CDH12: variants seen among roughly 807,000 people sequenced by gnomAD.
CDH12 encodes the protein cadherin-12.
A neutral mutation model predicts 74.1 loss-of-function variants in CDH12; 41 were observed. The observed-to-expected ratio is 0.55, with a 90% CI of 0.43 to 0.72. The LOEUF (loss-of-function observed/expected upper bound fraction) is 0.72, where lower values mean the gene tolerates loss of function less well. Among genes scored for constraint, CDH12 ranks in the 30% least tolerant of loss-of-function variants. The pLI, the probability that CDH12 is intolerant of heterozygous loss-of-function variation, is 0.00. For synonymous variants in CDH12, 399 were observed against 355.0 expected (o/e 1.12, Z -1.39); for missense variants, 945 against 977.2 (o/e 0.97, Z 0.44).
At chr5:22,212,994 T>A (rs575929472) in intron 3 of CDH12, among the ~76,000 whole-genome samples, 1 of 152,314 alleles carries the variant, frequency 6.6e-6, no homozygotes, top group Non-Finnish European at 1.5e-5. Flanking sequence ...CTTAAACAAA[T>A]GTGCTTTCTC....
intron 1 of CDH12, among the ~76,000 whole-genome samples, chr5:22,716,545 T>C (rs1334195098): frequency 2.6e-5 from 4 of 151,982 alleles, no homozygotes; most frequent in Non-Finnish European, 4.4e-5. Flanking sequence ...TTTGTATTTA[T>C]TATACTTATC....
At chr5:22,337,908 G>A (rs1247081566) in intron 3 of CDH12, among the ~76,000 whole-genome samples, 1 of 152,162 alleles carries the variant, frequency 6.6e-6, no homozygotes, top group Non-Finnish European at 1.5e-5. Flanking sequence ...TTATCCAGAA[G>A]TCAGGCAATA....
chr5:22,735,147 G>A (rs940011800), intron 1 of CDH12, among the ~76,000 whole-genome samples: 2 of 151,808 alleles, frequency 1.3e-5, no homozygotes, highest in African/African-American at 4.8e-5. Flanking sequence ...ATTTATCAAA[G>A]ATGTTACTGC....
intron 1 of CDH12, among the ~76,000 whole-genome samples, chr5:22,831,434 G>A (rs554429401): frequency 6.6e-6 from 1 of 151,040 alleles, no homozygotes; most frequent in Non-Finnish European, 1.5e-5. Context: ...GACAGAGCAT[G>A]GTGAGTGTTA....
intron 11 of CDH12, 139 bp downstream of exon 11, chr5:21,783,219 G>T (rs781083914): frequency 6.0e-6 from 4 of 671,020 alleles, no homozygotes; most frequent in Non-Finnish European, 1.0e-5. Flanking sequence ...CTGAGGAAAA[G>T]GAATAGGTTT....
chr5:22,221,063 C>T (rs1217304311), intron 3 of CDH12, among the ~76,000 whole-genome samples: 1 of 151,468 alleles, frequency 6.6e-6, no homozygotes, highest in Non-Finnish European at 1.5e-5. Context: ...AAAGTGCCTC[C>T]CATGCTTTTG....
intron 2 of CDH12, among the ~76,000 whole-genome samples, chr5:22,497,490 T>G (rs1005509431): frequency 1.3e-5 from 2 of 152,070 alleles, no homozygotes; most frequent in Non-Finnish European, 2.9e-5. Context: ...CTCACCAGGT[T>G]GTTGTACTTG....
chr5:22,464,519 G>A (rs939172179), intron 2 of CDH12, among the ~76,000 whole-genome samples: 3 of 151,962 alleles, frequency 2.0e-5, no homozygotes, highest in Non-Finnish European at 4.4e-5. Flanking sequence ...TCCTTTAACG[G>A]GATCTGATTC....
chr5:21,768,388 T>C (rs1745141602), intron 11 of CDH12, among the ~76,000 whole-genome samples: 1 of 151,826 alleles, frequency 6.6e-6, no homozygotes, highest in Non-Finnish European at 1.5e-5. Flanking sequence ...ATTTAGAACC[T>C]ATTTCATTAA....
intron 4 of CDH12, among the ~76,000 whole-genome samples, chr5:22,144,876 A>G (rs1416469438): frequency 4.6e-5 from 7 of 152,170 alleles, no homozygotes; most frequent in Admixed American, 4.6e-4. Flanking sequence ...GTAAAATTTT[A>G]AATTACTATC....
intron 5 of CDH12, among the ~76,000 whole-genome samples, chr5:22,042,810 A>G (rs1009304061): frequency 2.0e-5 from 3 of 150,678 alleles, no homozygotes; most frequent in Non-Finnish European, 4.4e-5. Flanking sequence ...GGACTGATTC[A>G]GCCTGGGAAG....
intron 4 of CDH12, among the ~76,000 whole-genome samples, chr5:22,196,480 G>A (rs1750627874): frequency 6.6e-6 from 1 of 151,988 alleles, no homozygotes; most frequent in African/African-American, 2.4e-5. Flanking sequence ...GAGATCATTA[G>A]AATTTTCTCT....
chr5:22,376,298 G>A (rs755643386), intron 3 of CDH12, among the ~76,000 whole-genome samples: 1 of 152,010 alleles, frequency 6.6e-6, no homozygotes, highest in Admixed American at 6.6e-5. Context: ...TGCTGTGAAG[G>A]GTTTGTGTCT....
chr5:22,527,484 G>T (rs982939370), intron 1 of CDH12, among the ~76,000 whole-genome samples: 1 of 152,056 alleles, frequency 6.6e-6, no homozygotes, highest in Non-Finnish European at 1.5e-5. Flanking sequence ...AGTGCCATAG[G>T]CCTGTGCAAG....
At chr5:22,838,661 G>GTGTA (rs1335190435) in intron 1 of CDH12, among the ~76,000 whole-genome samples, 1 of 149,958 alleles carries the variant, frequency 6.7e-6, no homozygotes, top group East Asian at 2.0e-4. Flanking sequence ...CTGTGTGTGT[G>GTGTA]TGTGTGTGTG....
At chr5:22,389,583 C>G (rs907086451) in intron 3 of CDH12, among the ~76,000 whole-genome samples, 1 of 151,876 alleles carries the variant, frequency 6.6e-6, no homozygotes. Context: ...TAAATGTGCT[C>G]TGATGAGCAA....
At chr5:21,872,852 C>A (rs971551744) in intron 6 of CDH12, among the ~76,000 whole-genome samples, 1 of 140,902 alleles carries the variant, frequency 7.1e-6, no homozygotes, top group African/African-American at 2.6e-5. Flanking sequence ...ATCTATCGAT[C>A]TATCATCTAT....
chr5:22,435,210 G>C (rs954282125), intron 2 of CDH12, among the ~76,000 whole-genome samples: 1 of 152,036 alleles, frequency 6.6e-6, no homozygotes, highest in Non-Finnish European at 1.5e-5. Context: ...ATGTGAAAAG[G>C]CTACACTGGC....
intron 9 of CDH12, among the ~76,000 whole-genome samples, chr5:21,804,803 T>C (rs1405714416): frequency 6.6e-6 from 1 of 152,054 alleles, no homozygotes; most frequent in African/African-American, 2.4e-5. Context: ...AATATTGCCA[T>C]CTTGCTTAAT....
Sources: allele counts gnomAD v4.1 joint callset (sites outside exome capture counted in the v4.1 genomes callset), GRCh38; gene constraint gnomAD v4.1.1; transcripts MANE v1.5; gene names NCBI Gene and HGNC (gene_info 2026-07-23, HGNC 2026-07-21).